The following PCDH15 variants were observed in gnomAD, a reference collection of about 807,000 sequenced individuals.
PCDH15 encodes the protein protocadherin-15.
PCDH15 carries 129 observed loss-of-function variants against 178.5 expected under a neutral mutation model. That is an observed-to-expected ratio of 0.72 (90% CI 0.63 to 0.84). The LOEUF (loss-of-function observed/expected upper bound fraction) is 0.84, where lower values mean the gene tolerates loss of function less well. Ranked by LOEUF, PCDH15 falls within the 40% of genes least tolerant of loss-of-function variation. The pLI is 0.00. For synonymous variants in PCDH15, 800 were observed against 732.0 expected (o/e 1.09, Z -1.50); for missense variants, 2,230 against 2,099.9 (o/e 1.06, Z -1.21).
intron 32 of PCDH15, chr10:53,822,217 A>T (rs200479037): frequency 6.2e-7 from 1 of 1,614,038 alleles, no homozygotes; most frequent in East Asian, 2.2e-5. Flanking sequence ...CACTCTGTGG[A>T]CAGAAATGAA....
intron 16 of PCDH15, among the ~76,000 whole-genome samples, chr10:54,084,189 G>A (rs954316865): frequency 6.6e-6 from 1 of 151,570 alleles, no homozygotes; most frequent in Non-Finnish European, 1.5e-5. Flanking sequence ...AGGTTCAAGC[G>A]ATTCTCCTGC....
intron 18 of PCDH15, among the ~76,000 whole-genome samples, chr10:54,030,206 T>A (rs1490839329): frequency 1.3e-5 from 2 of 152,058 alleles, no homozygotes; most frequent in African/African-American, 4.8e-5. Context: ...TTGCTTGTCC[T>A]TTACAGCGAT....
At chr10:54,753,127 A>C (rs945525) in intron 1 of PCDH15, among the ~76,000 whole-genome samples, 1 of 151,978 alleles carries the variant, frequency 6.6e-6, no homozygotes, top group Admixed American at 6.5e-5. Context: ...GGTATATATT[A>C]TAAAGATACA....
intron 2 of PCDH15, among the ~76,000 whole-genome samples, chr10:54,647,464 A>C (rs1021766713): frequency 1.6e-4 from 25 of 152,102 alleles, no homozygotes; most frequent in African/African-American, 5.8e-4. Flanking sequence ...GTATAAAGAT[A>C]ACAAATACAG....
chr10:55,073,859 T>TC lies in PCDH15; in HGVS notation c.-80+92716dup, dbSNP rs543889722. On this transcript the variant is annotated intron_variant, in intron 2 of 5. Coordinates refer to the PCDH15 transcript ENST00000458638. Reference sequence around the variant, plus strand: ...GTACTACTTTTCCTAATGCTCTTGCTCCCCCCCATCTCCCCCGACCAGGCT... The same window carrying TC: ...GTACTACTTTTCCTAATGCTCTTGCTCCCCCCCCATCTCCCCCGACCAGGCT... Among the ~76,000 whole-genome samples, 32 of 151,918 alleles carry TC rather than the reference T, an allele frequency of 2.1e-4. No individual in the cohort carries two copies. The East Asian group carries it at 5.8e-3, about 28-fold the overall frequency.
chr10:54,250,839 T>A (rs1233485130), intron 8 of PCDH15, among the ~76,000 whole-genome samples: 1 of 152,094 alleles, frequency 6.6e-6, no homozygotes, highest in Non-Finnish European at 1.5e-5. Flanking sequence ...CTTCCCAATC[T>A]CTCTCTCACA....
At chr10:55,256,904 C>A (rs2132230430) in intron 1 of PCDH15, among the ~76,000 whole-genome samples, 1 of 152,260 alleles carries the variant, frequency 6.6e-6, no homozygotes, top group East Asian at 1.9e-4. Context: ...AGCTGGAGAT[C>A]TGAGAATGGA....
At chr10:54,146,932 ATAATG>A (rs1235460907) in intron 14 of PCDH15, among the ~76,000 whole-genome samples, 1 of 87,582 alleles carries the variant, frequency 1.1e-5, no homozygotes, top group African/African-American at 4.2e-5. Context: ...GTATATATAT[ATAATG>A]TATATATATA....
chr10:54,133,006 T>A lies in PCDH15; in HGVS notation c.1786A>T (p.Asn596Tyr), dbSNP rs1422638822. 1 of 1,613,938 alleles carries A rather than the reference T, an allele frequency of 6.2e-7. No individual in the cohort carries two copies. The highest frequency in any genetic ancestry group is 1.3e-5 in the African/African-American group (1 of 74,926). ...TCAATATACACAGTGCAGATGGAGTTCCTGCAGAGAAAGAGAGGAAAAGAA... is the reference window on the plus strand; with the variant it reads ...TCAATATACACAGTGCAGATGGAGTACCTGCAGAGAAAGAGAGGAAAAGAA... The part of the protein sequence containing the change: ...ADNAPPAERR[N>Y]SICTVYIEVL... Residue 596 changes from asparagine (N) to tyrosine (Y), a missense_variant and splice_region_variant, in exon 15 of 38, where the codon AAC (asparagine) becomes TAC (tyrosine). By Grantham distance (143) the Asn-to-Tyr change is moderately radical (BLOSUM62 -2). Transcript: ENST00000644397.
At chr10:55,071,055 T>C (rs1841730525) in intron 2 of PCDH15, among the ~76,000 whole-genome samples, 1 of 152,050 alleles carries the variant, frequency 6.6e-6, no homozygotes, top group Admixed American at 6.6e-5. Flanking sequence ...TGCTGAGAGA[T>C]TCTGTCACCA....
rs2075774933 is a variant in PCDH15 at position 53,809,191 on chromosome 10, T to G, written c.4671+1365A>C. Reference sequence around the variant, plus strand: ...TGACTCAGATTCCTCTTCTGTAGTCTCAGACTCACTGAACTCAGACTCTTC... The same window carrying G: ...TGACTCAGATTCCTCTTCTGTAGTCGCAGACTCACTGAACTCAGACTCTTC... On this transcript the variant is annotated intron_variant, in intron 37 of 37. Coordinates refer to ENST00000644397, the MANE Select transcript of PCDH15 (RefSeq NM_001384140.1). 1.9e-6 allele frequency: 3 copies of G among 1,613,960 alleles called. No homozygotes were observed. The South Asian group carries it at 3.3e-5, about 18-fold the overall frequency.
intron 28 of PCDH15, among the ~76,000 whole-genome samples, chr10:53,853,134 A>T (rs894327418): frequency 2.0e-5 from 3 of 151,900 alleles, no homozygotes; most frequent in African/African-American, 4.8e-5. Flanking sequence ...CATAGGTTTT[A>T]AAAAAAATCT....
intron 10 of PCDH15, among the ~76,000 whole-genome samples, chr10:54,204,927 G>T (rs2050633612): frequency 6.6e-6 from 1 of 152,142 alleles, no homozygotes; most frequent in South Asian, 2.1e-4. Flanking sequence ...TAAGGTAATT[G>T]TTAAAGCAAA....
Position 54,545,457 on chromosome 10 carries a change from A to T in PCDH15, c.92-17580T>A, listed in dbSNP as rs547900912. Among the ~76,000 whole-genome samples the T allele has an allele frequency of 3.2e-4, 48 of 151,980 alleles. No homozygotes were observed. The East Asian group carries it at 7.2e-3, about 23-fold the overall frequency. On this transcript the variant is annotated intron_variant, in intron 2 of 37. Coordinates refer to ENST00000644397, the MANE Select transcript of PCDH15 (RefSeq NM_001384140.1). ...TCTGTCAAATTGTCAAAATTTTATTAAAAATAATAGCCACTATTGGTTCAA... is the reference window on the plus strand; with the variant it reads ...TCTGTCAAATTGTCAAAATTTTATTTAAAATAATAGCCACTATTGGTTCAA...
intron 8 of PCDH15, among the ~76,000 whole-genome samples, chr10:54,253,559 A>G (rs2056671719): frequency 6.6e-6 from 1 of 152,022 alleles, no homozygotes; most frequent in South Asian, 2.1e-4. Flanking sequence ...AAGTACCAAC[A>G]TTTTTAGTTT....
intron 3 of PCDH15, among the ~76,000 whole-genome samples, chr10:54,424,838 A>G (rs891103712): frequency 1.9e-4 from 24 of 126,748 alleles, no homozygotes; most frequent in Non-Finnish European, 3.3e-4. Flanking sequence ...GAAGGGGAAC[A>G]TCACACACTG....
At chr10:54,332,311 T>C (rs1939887567) in intron 6 of PCDH15, among the ~76,000 whole-genome samples, 2 of 75,408 alleles carry the variant, frequency 2.7e-5, no homozygotes, top group South Asian at 3.8e-4. Flanking sequence ...TTATTATATA[T>C]AATATAATAT....
intron 3 of PCDH15, among the ~76,000 whole-genome samples, chr10:54,879,420 T>G (rs914011621): frequency 6.6e-6 from 1 of 152,106 alleles, no homozygotes; most frequent in Non-Finnish European, 1.5e-5. Context: ...GAGCTGAAGC[T>G]TACCCAGTTT....
chr10:53,984,122 CTTTTTTTTTTTTTCTTTTTTCTTTTCTT>C lies in PCDH15; in HGVS notation c.2868+11499_2868+11526del, dbSNP rs1245183445. Among the ~76,000 whole-genome samples, 56 of 112,670 alleles carry C rather than the reference CTTTTTTTTTTTTTCTTTTTTCTTTTCTT, an allele frequency of 5.0e-4. 1 individual carries two copies. Among genetic ancestry groups the C allele is most frequent in the Admixed American group, 5.7e-4 (6 of 10,456 alleles). 73.9% of individuals were successfully genotyped at this position (112,670 alleles called of 152,430 possible). A position where few individuals can be genotyped will look rare whatever the true frequency, so the allele number is the denominator to read the frequency against. On this transcript the variant is annotated intron_variant, in intron 21 of 37. Transcript: ENST00000644397. ...ACCCTAAACATTTCTAAGTGCTTTT[CTTTTTTTTTTTTTCTTTTTTCTTTTCTT>C]TTTTTTTTTTTTTTTTTGAGGCAGA...
Sources: allele counts gnomAD v4.1 joint callset (sites outside exome capture counted in the v4.1 genomes callset), GRCh38; gene constraint gnomAD v4.1.1; transcripts MANE v1.5; gene names NCBI Gene and HGNC (gene_info 2026-07-23, HGNC 2026-07-21).